The following MYO1E variants were observed in gnomAD, a reference collection of about 807,000 sequenced individuals.
MYO1E encodes myosin IE.
A neutral mutation model predicts 151.1 loss-of-function variants in MYO1E; 68 were observed. That is an observed-to-expected ratio of 0.45 (90% CI 0.37 to 0.55). The LOEUF (loss-of-function observed/expected upper bound fraction) is 0.55, where lower values mean the gene tolerates loss of function less well. Ranked by LOEUF, MYO1E falls within the 20% of genes least tolerant of loss-of-function variation. The pLI is 0.00. For synonymous variants in MYO1E, 601 were observed against 501.7 expected (o/e 1.20, Z -2.64); for missense variants, 1,363 against 1,389.3 (o/e 0.98, Z 0.30).
At chr15:59,170,645 T>C (rs988066635) in intron 22 of MYO1E, among the ~76,000 whole-genome samples, 8 of 151,206 alleles carry the variant, frequency 5.3e-5, no homozygotes, top group African/African-American at 2.0e-4. Context: ...GGCTGCAAAA[T>C]GGACACTGCG....
chr15:59,249,500 C>T (rs745664764), intron 4 of MYO1E, among the ~76,000 whole-genome samples: 1 of 151,970 alleles, frequency 6.6e-6, no homozygotes, highest in Non-Finnish European at 1.5e-5. Context: ...ATCCTGTCAC[C>T]GTATCCACTG....
intron 2 of MYO1E, chr15:59,270,945 T>TA (rs1187816623): frequency 6.6e-6 from 1 of 152,194 alleles, no homozygotes; most frequent in African/African-American, 2.4e-5. Flanking sequence ...ATAAATGTTT[T>TA]AAATGATGCA....
intron 26 of MYO1E, among the ~76,000 whole-genome samples, chr15:59,149,919 A>C (rs2079466324): frequency 6.6e-6 from 1 of 152,262 alleles, no homozygotes; most frequent in African/African-American, 2.4e-5. Context: ...ATGCTTCAAC[A>C]GCCTCCTGTG....
At chr15:59,181,452 A>T (rs1425919579) in intron 18 of MYO1E, among the ~76,000 whole-genome samples, 1 of 152,222 alleles carries the variant, frequency 6.6e-6, no homozygotes, top group East Asian at 1.9e-4. Flanking sequence ...TATTTGTAAC[A>T]GTTTTTTAAC....
chr15:59,222,643 C>G (rs561241997), intron 9 of MYO1E, among the ~76,000 whole-genome samples: 4 of 152,164 alleles, frequency 2.6e-5, no homozygotes, highest in Non-Finnish European at 4.4e-5. Context: ...ATATTGCTTG[C>G]TCTTTAAAAC....
chr15:59,363,997 C>T (rs527824688), intron 1 of MYO1E, among the ~76,000 whole-genome samples: 4 of 152,104 alleles, frequency 2.6e-5, no homozygotes, highest in South Asian at 2.1e-4. Context: ...AGGCTGGTCT[C>T]GAACTCCTGA....
chr15:59,186,086 CTAAA>C (rs1417904691), intron 18 of MYO1E, among the ~76,000 whole-genome samples: 1 of 152,122 alleles, frequency 6.6e-6, no homozygotes, highest in African/African-American at 2.4e-5. Context: ...TCTCAACTTC[CTAAA>C]TATTTCTTTC....
intron 4 of MYO1E, among the ~76,000 whole-genome samples, chr15:59,254,867 C>T (rs1370553188): frequency 6.6e-5 from 10 of 152,006 alleles, no homozygotes; most frequent in Non-Finnish European, 1.5e-5. Flanking sequence ...AGTCTGTCGC[C>T]CAGGCTGGAC....
At chr15:59,312,026 G>C (rs1200832279) in intron 1 of MYO1E, among the ~76,000 whole-genome samples, 2 of 152,070 alleles carry the variant, frequency 1.3e-5, no homozygotes, top group Non-Finnish European at 2.9e-5. Flanking sequence ...AAATTACCCA[G>C]TCTGTGGTAT....
intron 2 of MYO1E, among the ~76,000 whole-genome samples, chr15:59,262,500 T>C (rs1020883700): frequency 2.5e-4 from 38 of 152,040 alleles, no homozygotes; most frequent in African/African-American, 8.2e-4. Flanking sequence ...TGGGGGCGTG[T>C]GCCTGCAGTC....
At chr15:59,150,291 C>G (rs541384756) in intron 26 of MYO1E, among the ~76,000 whole-genome samples, 2 of 152,324 alleles carry the variant, frequency 1.3e-5, no homozygotes, top group East Asian at 1.9e-4. Flanking sequence ...CACGTGTACC[C>G]AGTCTTTAGG....
At chr15:59,160,349 GT>G (rs1468649905) in intron 24 of MYO1E, among the ~76,000 whole-genome samples, 1 of 144,940 alleles carries the variant, frequency 6.9e-6, no homozygotes, top group East Asian at 2.0e-4. Flanking sequence ...GTGTGTGTGT[GT>G]GTGTGTGTGT....
intron 1 of MYO1E, among the ~76,000 whole-genome samples, chr15:59,339,856 T>G (rs2080753014): frequency 1.3e-5 from 2 of 149,564 alleles, no homozygotes; most frequent in South Asian, 2.1e-4. Context: ...TTTTTTTGTT[T>G]TTTTTTTTTT....
chr15:59,329,834 A>T (rs1156790491), intron 1 of MYO1E, among the ~76,000 whole-genome samples: 1 of 152,232 alleles, frequency 6.6e-6, no homozygotes, highest in Admixed American at 6.5e-5. Context: ...TATTTCAAAC[A>T]TGAAACACTG....
chr15:59,310,500 T>C (rs997501971), intron 1 of MYO1E, among the ~76,000 whole-genome samples: 10 of 151,934 alleles, frequency 6.6e-5, no homozygotes, highest in African/African-American at 1.7e-4. Flanking sequence ...GAGGCAGAGA[T>C]TGGGGCGACA....
chr15:59,135,040 A>G lies in MYO1E; in HGVS notation c.*2340T>C, dbSNP rs777821656. ...TTTAAGATAAACCACTATTTCTCCA[A>G]ACTTTTCTTAATAGTGTCAGCATTT... On this transcript the variant is annotated 3_prime_UTR_variant, in exon 28 of 28. Transcript: ENST00000288235. 6.6e-6 allele frequency: 1 copy of G among 152,216 alleles called. No homozygotes were observed. The highest frequency in any genetic ancestry group is 2.4e-5 in the African/African-American group (1 of 41,456). The allele number at this position is 152,216 out of a possible 1,614,324, so 9.4% of individuals were successfully genotyped here. A position where few individuals can be genotyped will look rare whatever the true frequency, so the allele number is the denominator to read the frequency against.
At chr15:59,165,672 C>T (rs573769570) in intron 22 of MYO1E, among the ~76,000 whole-genome samples, 20 of 152,292 alleles carry the variant, frequency 1.3e-4, no homozygotes, top group African/African-American at 4.6e-4. Flanking sequence ...AAGGTACAGC[C>T]AGCAATCTAA....
Position 59,308,929 on chromosome 15 carries a change from G to C in MYO1E, c.4-36480C>G, listed in dbSNP as rs550638896. On this transcript the variant is annotated intron_variant, in intron 1 of 27. Transcript: ENST00000288235. ...CCAGAGAGGCAGAATTGCAGAAAGA[G>C]CTCTGGGCCTCAGAGAGTCAGAAAA... 1.1e-4 allele frequency among the ~76,000 whole-genome samples: 16 copies of C among 152,004 alleles called. 1 individual carries two copies. The highest frequency in any genetic ancestry group is 3.1e-4 in the African/African-American group (13 of 41,472).
At chr15:59,281,215 C>CT (rs1490034390) in intron 1 of MYO1E, among the ~76,000 whole-genome samples, 1 of 152,140 alleles carries the variant, frequency 6.6e-6, no homozygotes, top group Non-Finnish European at 1.5e-5. Flanking sequence ...TATGTCTGCC[C>CT]TGGGATTACT....
Sources: gnomAD v4.1 joint callset for allele counts (sites outside exome capture counted in the v4.1 genomes callset) on GRCh38, gnomAD v4.1.1 for gene constraint, MANE v1.5 for transcripts, NCBI Gene and HGNC (gene_info 2026-07-23, HGNC 2026-07-21) for gene names.